The following DR1 variants were observed in gnomAD, a reference collection of about 807,000 sequenced individuals.
DR1 encodes down-regulator of transcription 1.
In DR1, 7 loss-of-function variants were observed where a neutral mutation model predicts 19.9. That is an observed-to-expected ratio of 0.35 (90% CI 0.20 to 0.66). DR1 has a LOEUF of 0.66. Among genes scored for constraint, DR1 ranks in the 30% least tolerant of loss-of-function variants. DR1 has a pLI of 0.66. For synonymous variants in DR1, 76 were observed against 72.5 expected, an observed-to-expected ratio of 1.05 and a Z score of -0.24; for missense variants, 98 against 203.7, an observed-to-expected ratio of 0.48 and a Z score of 3.16.
In DR1 at chr1:93,346,436, C is replaced by G. The variant is rs1666839745; in HGVS notation, c.-210C>G. ...TCTCTCTAGAATCCTCGGGCCCCCA[C>G]TTTCTTCCCAAACTCATCCTAAATC... On this transcript the variant is annotated 5_prime_UTR_variant, in exon 1 of 3. Coordinates refer to ENST00000370272, the MANE Select transcript of DR1 (RefSeq NM_001938.3). The G allele has an allele frequency of 8.6e-6, 5 of 580,266 alleles. No individual in the cohort carries two copies. In the South Asian group the frequency reaches 1.0e-4, roughly 12 times the overall value. The allele number at this position is 580,266 out of a possible 1,614,324, so 35.9% of individuals were successfully genotyped here. A position where few individuals can be genotyped will look rare whatever the true frequency, so the allele number is the denominator to read the frequency against.
In DR1 at chr1:93,365,280, T is replaced by C. The variant is rs1273079931; in HGVS notation, c.*4641T>C. 3 of 152,224 alleles carry C rather than the reference T, an allele frequency of 2.0e-5. No individual in the cohort carries two copies. Among genetic ancestry groups the C allele is most frequent in the African/African-American group, 7.2e-5 (3 of 41,454 alleles). 9.4% of individuals were successfully genotyped at this position (152,224 alleles called of 1,614,324 possible). A position where few individuals can be genotyped will look rare whatever the true frequency, so the allele number is the denominator to read the frequency against. ...CCAAAAGGAGGAAACTTTTAACTTATGATCAGTTTCTACCATAAATCAAGC... is the reference window on the plus strand; with the variant it reads ...CCAAAAGGAGGAAACTTTTAACTTACGATCAGTTTCTACCATAAATCAAGC... On this transcript the variant is annotated 3_prime_UTR_variant, in exon 3 of 3. Coordinates refer to ENST00000370272, the MANE Select transcript of DR1 (RefSeq NM_001938.3).
At chr1:93,354,606 G>A (rs1213280254) in intron 2 of DR1, among the ~76,000 whole-genome samples, 1 of 152,098 alleles carries the variant, frequency 6.6e-6, no homozygotes, top group South Asian at 2.1e-4. Flanking sequence ...AATGTTCTCT[G>A]TTTCAAAAAG....
intron 1 of DR1, among the ~76,000 whole-genome samples, chr1:93,353,276 A>T (rs1191517692): frequency 6.6e-6 from 1 of 152,102 alleles, no homozygotes; most frequent in Admixed American, 6.5e-5. Flanking sequence ...GTATCTTTAT[A>T]GTCTTTCAGC....
Position 93,346,566 on chromosome 1 carries a change from T to C in DR1, c.-80T>C, listed in dbSNP as rs1666843048. On this transcript the variant is annotated 5_prime_UTR_variant, in exon 1 of 3. Coordinates refer to ENST00000370272, the MANE Select transcript of DR1 (RefSeq NM_001938.3). ...CCCGGGATCACTCTCCGAGGGCGACTTTTTGAGAAATCTCGGTGGAGTAGT... is the reference window on the plus strand; with the variant it reads ...CCCGGGATCACTCTCCGAGGGCGACCTTTTGAGAAATCTCGGTGGAGTAGT... The C allele has an allele frequency of 3.1e-6, 4 of 1,293,312 alleles. No individual in the cohort carries two copies. The highest frequency in any genetic ancestry group is 4.4e-6 in the Non-Finnish European group (4 of 912,014). The allele number at this position is 1,293,312 out of a possible 1,614,324, so 80.1% of individuals were successfully genotyped here.
chr1:93,357,581 CTTA>C (rs560607088), intron 2 of DR1, among the ~76,000 whole-genome samples: 179 of 152,178 alleles, frequency 1.2e-3, no homozygotes, highest in African/African-American at 4.2e-3. Context: ...TGTACAATCA[CTTA>C]TTCCTCAAAT....
intron 2 of DR1, among the ~76,000 whole-genome samples, chr1:93,358,016 G>A (rs943023929): frequency 6.6e-5 from 10 of 152,342 alleles, no homozygotes; most frequent in Non-Finnish European, 1.0e-4. Context: ...GCTCACACCT[G>A]TAATCATAGC....
chr1:93,346,371 C>G lies in DR1; in HGVS notation c.-275C>G, dbSNP rs1373404615. The G allele has an allele frequency of 8.8e-6, 4 of 454,900 alleles. No homozygotes were observed. Among genetic ancestry groups the G allele is most frequent in the African/African-American group, 7.9e-5 (4 of 50,738 alleles). 28.2% of individuals were successfully genotyped at this position (454,900 alleles called of 1,614,324 possible). A position where few individuals can be genotyped will look rare whatever the true frequency, so the allele number is the denominator to read the frequency against. Reference sequence around the variant, plus strand: ...GGTGGTTCCCCAGCCGCTCAAATTTCCGGACCACCGCGCTTTCCCCTCCTC... The same window carrying G: ...GGTGGTTCCCCAGCCGCTCAAATTTGCGGACCACCGCGCTTTCCCCTCCTC... On this transcript the variant is annotated 5_prime_UTR_variant, in exon 1 of 3. Transcript: ENST00000370272.
intron 2 of DR1, chr1:93,355,800 A>T (rs1337130126): frequency 6.6e-6 from 1 of 152,202 alleles, no homozygotes; most frequent in Non-Finnish European, 1.5e-5. Flanking sequence ...GTTGCCTAGT[A>T]CTTCTTCCCT....
At chr1:93,349,940 A>G (rs944541019) in intron 1 of DR1, among the ~76,000 whole-genome samples, 3 of 152,166 alleles carry the variant, frequency 2.0e-5, no homozygotes, top group East Asian at 3.8e-4. Context: ...GCATAAGTCC[A>G]TGGACCACAG....
rs1298097229 is a variant in DR1, at chr1:93,369,377, G to A, written c.*8738G>A. On this transcript the variant is annotated 3_prime_UTR_variant, in exon 3 of 3. Transcript: ENST00000370272. ...TAATTGTAGAACTCATTCTAAGGAA[G>A]CAGAGGTAATGTCTGTTACTATTTT... 1 of 152,212 alleles carries A rather than the reference G, an allele frequency of 6.6e-6. No homozygotes were observed. The highest frequency in any genetic ancestry group is 1.5e-5 in the Non-Finnish European group (1 of 68,028). 9.4% of individuals were successfully genotyped at this position (152,212 alleles called of 1,614,324 possible). A position where few individuals can be genotyped will look rare whatever the true frequency, so the allele number is the denominator to read the frequency against.
chr1:93,367,454 G>A lies in DR1; in HGVS notation c.*6815G>A, dbSNP rs991087854. 1.3e-5 allele frequency: 2 copies of A among 152,118 alleles called. No homozygotes were observed. Among genetic ancestry groups the A allele is most frequent in the African/African-American group, 2.4e-5 (1 of 41,404 alleles). 9.4% of individuals were successfully genotyped at this position (152,118 alleles called of 1,614,324 possible). A position where few individuals can be genotyped will look rare whatever the true frequency, so the allele number is the denominator to read the frequency against. On this transcript the variant is annotated 3_prime_UTR_variant, in exon 3 of 3. Transcript: ENST00000370272. ...CCTGCTTATTTCAGTTCAGTGTCTT[G>A]GGTAGCTGGAGCCTATCCCAGCAGC...
Position 93,366,184 on chromosome 1 carries a change from C to A in DR1, c.*5545C>A, listed in dbSNP as rs1163095567. ...AATGGATTCATTCTTATTTCATTTA[C>A]CATAATGTCTTCAAAGTTCATTCAT... On this transcript the variant is annotated 3_prime_UTR_variant, in exon 3 of 3. Coordinates refer to ENST00000370272, the MANE Select transcript of DR1 (RefSeq NM_001938.3). 6.6e-6 allele frequency: 1 copy of A among 152,156 alleles called. No homozygotes were observed. Among genetic ancestry groups the A allele is most frequent in the East Asian group, 1.9e-4 (1 of 5,202 alleles). The allele number at this position is 152,156 out of a possible 1,614,324, so 9.4% of individuals were successfully genotyped here.
In DR1 at chr1:93,361,429, A is replaced by T. The variant is rs1173681687; in HGVS notation, c.*790A>T. ...GTTGATAGTATTACTTACCTAGTCCATCCATACTCATATTATTCAAATATA... is the reference window on the plus strand; with the variant it reads ...GTTGATAGTATTACTTACCTAGTCCTTCCATACTCATATTATTCAAATATA... On this transcript the variant is annotated 3_prime_UTR_variant, in exon 3 of 3. Transcript: ENST00000370272. The T allele has an allele frequency of 2.0e-5, 3 of 152,550 alleles. No homozygotes were observed. The highest frequency in any genetic ancestry group is 7.2e-5 in the African/African-American group (3 of 41,430). The allele number at this position is 152,550 out of a possible 1,614,324, so 9.4% of individuals were successfully genotyped here.
intron 1 of DR1, among the ~76,000 whole-genome samples, chr1:93,351,161 A>G (rs1314641890): frequency 2.0e-5 from 3 of 152,210 alleles, no homozygotes; most frequent in Admixed American, 6.5e-5. Flanking sequence ...AGAAGGTATT[A>G]TGTCCAGTTA....
intron 2 of DR1, among the ~76,000 whole-genome samples, chr1:93,356,538 A>C (rs1181817012): frequency 6.6e-6 from 1 of 152,214 alleles, no homozygotes; most frequent in Admixed American, 6.5e-5. Flanking sequence ...CAGACCATTG[A>C]ATAGACTACC....
chr1:93,368,110 G>A lies in DR1; in HGVS notation c.*7471G>A, dbSNP rs1345567215. ...TTTTTGTAATAGTTTTTTTACATAT[G>A]TTATTTCATTTGTTTATTTCCTCTG... is the stretch of plus-strand genomic sequence containing the variant. On this transcript the variant is annotated 3_prime_UTR_variant, in exon 3 of 3. Coordinates refer to ENST00000370272, the MANE Select transcript of DR1 (RefSeq NM_001938.3). The A allele has an allele frequency of 6.6e-6, 1 of 152,100 alleles. No homozygotes were observed. Among genetic ancestry groups the A allele is most frequent in the South Asian group, 2.1e-4 (1 of 4,832 alleles). The allele number at this position is 152,100 out of a possible 1,614,324, so 9.4% of individuals were successfully genotyped here. A position where few individuals can be genotyped will look rare whatever the true frequency, so the allele number is the denominator to read the frequency against.
In DR1 at chr1:93,365,302, A is replaced by G. The variant is rs573170754; in HGVS notation, c.*4663A>G. 1 of 152,340 alleles carries G rather than the reference A, an allele frequency of 6.6e-6. No individual in the cohort carries two copies. The highest frequency in any genetic ancestry group is 2.1e-4 in the South Asian group (1 of 4,830). 9.4% of individuals were successfully genotyped at this position (152,340 alleles called of 1,614,324 possible). ...TTATGATCAGTTTCTACCATAAATC[A>G]AGCAACTTAGAAAAACCTTAGAACA... On this transcript the variant is annotated 3_prime_UTR_variant, in exon 3 of 3. Transcript: ENST00000370272.
chr1:93,360,621 A>T lies in DR1; in HGVS notation c.513A>T (p.Glu171Asp), dbSNP rs3088371. 0.088 allele frequency: 139,777 copies of T among 1,584,844 alleles called. 6,531 individuals carry two copies. Among genetic ancestry groups the T allele is most frequent in the Middle Eastern group, 0.12 (721 of 6,008 alleles). The stretch of plus-strand genomic sequence containing the variant: ...AGGCGGGATCTTCTCAGGATGAAGA[A>T]GATGATGATGATATCTGAAATTCAC... ...SNQAGSSQDEEDDDDI is the reference protein window; with the variant it reads ...SNQAGSSQDEDDDDDI The change falls in exon 3 of 3, where the codon GAA becomes GAT. Residue 171 changes from glutamate (E) to aspartate (D), a missense_variant. Physicochemically the swap from Glu to Asp is conservative, Grantham distance 45. Coordinates refer to ENST00000370272, the MANE Select transcript of DR1 (RefSeq NM_001938.3).
At position 93,368,042 on chromosome 1, in the gene DR1, T is replaced by C. The variant is rs1667188404; in HGVS notation, c.*7403T>C. On this transcript the variant is annotated 3_prime_UTR_variant, in exon 3 of 3. Coordinates refer to ENST00000370272, the MANE Select transcript of DR1 (RefSeq NM_001938.3). ...CAAACAAAAAAAGAAATTACATTAGTTGAGGACCTGCTGTATGTGATATGA... is the reference window on the plus strand; with the variant it reads ...CAAACAAAAAAAGAAATTACATTAGCTGAGGACCTGCTGTATGTGATATGA... 1 of 152,182 alleles carries C rather than the reference T, an allele frequency of 6.6e-6. No individual in the cohort carries two copies. The highest frequency in any genetic ancestry group is 2.4e-5 in the African/African-American group (1 of 41,438). The allele number at this position is 152,182 out of a possible 1,614,324, so 9.4% of individuals were successfully genotyped here.
Sources: gnomAD v4.1 joint callset for allele counts (sites outside exome capture counted in the v4.1 genomes callset) on GRCh38, gnomAD v4.1.1 for gene constraint, MANE v1.5 for transcripts, NCBI Gene and HGNC (gene_info 2026-07-23, HGNC 2026-07-21) for gene names.